Variants in STK32C observed in about 807,000 individuals in gnomAD.
The protein encoded by STK32C is serine/threonine kinase 32C, also known as serine/threonine-protein kinase 32C.
In STK32C, 31 loss-of-function variants were observed where a neutral mutation model predicts 56.5. That is an observed-to-expected ratio of 0.55 (90% CI 0.41 to 0.74). The LOEUF (loss-of-function observed/expected upper bound fraction) is 0.74. Ranked by LOEUF, STK32C falls within the 30% of genes least tolerant of loss-of-function variation. STK32C has a pLI of 0.00. For missense variants in STK32C, 544 were observed against 676.9 expected (o/e 0.80, Z 2.18); for synonymous variants, 309 against 289.4 (o/e 1.07, Z -0.69).
intron 1 of STK32C, among the ~76,000 whole-genome samples, chr10:132,304,751 T>G (rs2066007031): frequency 6.6e-6 from 1 of 152,216 alleles, no homozygotes; most frequent in Non-Finnish European, 1.5e-5. Context: ...AGAGATGACT[T>G]GAGGAGTCTG....
intron 1 of STK32C, among the ~76,000 whole-genome samples, chr10:132,301,363 G>A (rs2065906282): frequency 6.6e-6 from 1 of 152,216 alleles, no homozygotes; most frequent in Non-Finnish European, 1.5e-5. Context: ...GCCCTTACTT[G>A]ATGTAAGAGC....
chr10:132,270,669 T>C (rs1013495356), intron 1 of STK32C, among the ~76,000 whole-genome samples: 2 of 152,320 alleles, frequency 1.3e-5, no homozygotes, highest in East Asian at 1.9e-4. Context: ...CCTTGCAGAA[T>C]GGCCTGGGGG....
upstream of STK32C, chr10:132,331,832 G>A: frequency 1.3e-6 from 2 of 1,519,030 alleles, no homozygotes; most frequent in Non-Finnish European, 8.9e-7. Context: ...TCAAGGCCGC[G>A]GGCGCGGAAA....
chr10:132,234,033 T>A (rs555430944), intron 2 of STK32C, among the ~76,000 whole-genome samples: 1 of 152,270 alleles, frequency 6.6e-6, no homozygotes, highest in South Asian at 2.1e-4. Context: ...TCCGATGAGG[T>A]CTGGGATTCT....
In STK32C at chr10:132,235,100, T is replaced by C. The variant is rs147273760; in HGVS notation, c.319-6972A>G. Among the ~76,000 whole-genome samples the C allele has an allele frequency of 2.7e-3, 409 of 152,024 alleles. 1 individual carries two copies. Among genetic ancestry groups the C allele is most frequent in the African/African-American group, 9.5e-3 (395 of 41,440 alleles). On this transcript the variant is annotated intron_variant, in intron 2 of 11. Transcript: ENST00000298630. ...TGACTGGTATGAACTGTGTGAGTGG[T>C]GTGAGCTGTGTGACTGGTATGAACC...
At chr10:132,218,076 TTTTGGGAGGCTGA>T (rs1304793827) in intron 10 of STK32C, among the ~76,000 whole-genome samples, 3 of 151,934 alleles carry the variant, frequency 2.0e-5, no homozygotes, top group Non-Finnish European at 2.9e-5. Flanking sequence ...AATCCCAGCA[TTTTGGGAGGCTGA>T]GGTGGGAGGA....
intron 1 of STK32C, among the ~76,000 whole-genome samples, chr10:132,282,430 C>T (rs1049149789): frequency 7.9e-5 from 12 of 151,914 alleles, no homozygotes; most frequent in South Asian, 2.1e-4. Flanking sequence ...CCTGTGCCTG[C>T]GCCCACCTGT....
intron 1 of STK32C, among the ~76,000 whole-genome samples, chr10:132,327,558 C>A (rs1247215280): frequency 6.6e-6 from 1 of 152,054 alleles, no homozygotes; most frequent in African/African-American, 2.4e-5. Context: ...TCACTGCAAC[C>A]TTTGCTTACC....
intron 1 of STK32C, chr10:132,248,913 C>T (rs74435988): frequency 2.2e-6 from 1 of 455,460 alleles, no homozygotes; most frequent in East Asian, 7.0e-5. Context: ...AGAATAAGCA[C>T]AAGTTCCCAA....
At chr10:132,208,373 C>T (rs908986162) in intron 11 of STK32C, among the ~76,000 whole-genome samples, 1 of 152,198 alleles carries the variant, frequency 6.6e-6, no homozygotes, top group African/African-American at 2.4e-5. Flanking sequence ...GGCGTGTTTC[C>T]AGCCAGAAGC....
At chr10:132,330,978 G>A (rs1363587357) in intron 1 of STK32C, among the ~76,000 whole-genome samples, 1 of 150,994 alleles carries the variant, frequency 6.6e-6, no homozygotes. Flanking sequence ...CGAGGGGGGC[G>A]GATCATGAGG....
chr10:132,284,424 G>T lies in STK32C; in HGVS notation c.262+23148C>A, dbSNP rs190180601. Among the ~76,000 whole-genome samples the T allele has an allele frequency of 7.0e-3, 769 of 109,660 alleles. 10 individuals are homozygous for T. Among genetic ancestry groups the T allele is most frequent in the African/African-American group, 0.026 (710 of 27,232 alleles). 71.9% of individuals were successfully genotyped at this position (109,660 alleles called of 152,430 possible). On this transcript the variant is annotated intron_variant, in intron 1 of 11. Coordinates refer to ENST00000298630, the MANE Select transcript of STK32C (RefSeq NM_173575.4). ...TTGCAGGGGCAGGTGAGGTTGGGGG[G>T]GCAGGTGAGGTTGGGAGGGCAGGTG...
chr10:132,318,318 G>A (rs768404983), intron 1 of STK32C, among the ~76,000 whole-genome samples: 12 of 149,744 alleles, frequency 8.0e-5, no homozygotes, highest in Non-Finnish European at 1.5e-4. Context: ...TAAAAACGTA[G>A]GTAAAAGACT....
intron 1 of STK32C, among the ~76,000 whole-genome samples, chr10:132,278,293 T>C (rs1564769964): frequency 1.3e-5 from 2 of 151,974 alleles, no homozygotes; most frequent in African/African-American, 4.8e-5. Flanking sequence ...CCGTGAGTTC[T>C]AAAAACAAAA....
intron 1 of STK32C, among the ~76,000 whole-genome samples, chr10:132,250,256 G>A (rs113474446): frequency 6.6e-6 from 1 of 152,118 alleles, no homozygotes; most frequent in Admixed American, 6.5e-5. Context: ...TCACTGCAGA[G>A]AGGAGCCCCA....
At chr10:132,235,653 G>A (rs2063261395) in intron 2 of STK32C, among the ~76,000 whole-genome samples, 1 of 152,148 alleles carries the variant, frequency 6.6e-6, no homozygotes, top group Non-Finnish European at 1.5e-5. Flanking sequence ...CAGACAGGAT[G>A]CTCAGGACAC....
At chr10:132,208,959 G>C in intron 11 of STK32C, 75 bp downstream of exon 11, 1 of 1,439,138 alleles carries the variant, frequency 6.9e-7, no homozygotes, top group Non-Finnish European at 9.6e-7. Context: ...CCGCTCACGT[G>C]GCCAAGAAAA....
chr10:132,234,613 C>T (rs2063211433), intron 2 of STK32C, among the ~76,000 whole-genome samples: 1 of 152,232 alleles, frequency 6.6e-6, no homozygotes, highest in South Asian at 2.1e-4. Flanking sequence ...AGCTTCCGGC[C>T]CCTTCATGCC....
intron 1 of STK32C, among the ~76,000 whole-genome samples, chr10:132,281,395 A>G (rs7098841): frequency 0.15 from 22,158 of 152,072 alleles, 2,961 homozygotes; most frequent in African/African-American, 0.36. Context: ...AGCCTGTTAA[A>G]TACAACATAA....
Sources: allele counts gnomAD v4.1 joint callset (sites outside exome capture counted in the v4.1 genomes callset), GRCh38; gene constraint gnomAD v4.1.1; transcripts MANE v1.5; gene names NCBI Gene and HGNC (gene_info 2026-07-23, HGNC 2026-07-21).